Variants in ECHDC1 observed in about 807,000 individuals in gnomAD.
The protein encoded by ECHDC1 is ethylmalonyl-CoA decarboxylase.
ECHDC1 carries 29 observed loss-of-function variants against 29.7 expected under a neutral mutation model. The ratio of observed to expected loss-of-function variants is 0.98; its 90% CI spans 0.73 to 1.33. The LOEUF (loss-of-function observed/expected upper bound fraction) is 1.33. Among genes scored for constraint, ECHDC1 ranks in the 40% most tolerant of loss-of-function variants. The pLI is 0.00. For missense variants in ECHDC1, 328 were observed against 350.0 expected (o/e 0.94, Z 0.50); for synonymous variants, 126 against 123.1 (o/e 1.02, Z -0.15).
intron 1 of ECHDC1, among the ~76,000 whole-genome samples, chr6:127,332,546 G>A (rs1025596336): frequency 4.6e-5 from 7 of 151,866 alleles, no homozygotes; most frequent in African/African-American, 1.5e-4. Flanking sequence ...GGTAAGGCAG[G>A]ACAACTCTAA....
intron 5 of ECHDC1, among the ~76,000 whole-genome samples, chr6:127,293,761 A>G (rs1440067791): frequency 6.6e-6 from 1 of 152,164 alleles, no homozygotes; most frequent in Non-Finnish European, 1.5e-5. Flanking sequence ...CTAGCTTTTA[A>G]TACTATTAAG....
intron 3 of ECHDC1, among the ~76,000 whole-genome samples, chr6:127,326,160 GC>G (rs1219807709): frequency 6.6e-6 from 1 of 152,138 alleles, no homozygotes; most frequent in African/African-American, 2.4e-5. Context: ...TGAAGGAGGG[GC>G]CTGGTGGAAG....
rs76583416 is a variant in ECHDC1, at chr6:127,331,007, T to C, written c.22A>G (p.Thr8Ala). The C allele has an allele frequency of 6.2e-7, 1 of 1,613,490 alleles. No individual in the cohort carries two copies. Among genetic ancestry groups the C allele is most frequent in the Non-Finnish European group, 8.5e-7 (1 of 1,180,016 alleles). The change falls in exon 2 of 6, where the codon ACA becomes GCA. Residue 8 changes from threonine to alanine, a missense_variant. Transcript: ENST00000454859. MAKSLLK[T>A]ASLSGRTKLL... ...TTTGTCCTTCCAGACAGAGAGGCTG[T>C]CTTCAAAAGACTTTTCGCCATTTCT...
At chr6:127,298,994 T>A (rs1780839222) in intron 5 of ECHDC1, among the ~76,000 whole-genome samples, 1 of 151,640 alleles carries the variant, frequency 6.6e-6, no homozygotes, top group South Asian at 2.1e-4. Flanking sequence ...TCCTGCCTCA[T>A]CCTCCCTCAG....
intron 1 of ECHDC1, among the ~76,000 whole-genome samples, chr6:127,336,803 A>G (rs1784461539): frequency 6.6e-6 from 1 of 152,188 alleles, no homozygotes. Context: ...AGTGGTTATG[A>G]AAAAAACACC....
At chr6:127,342,463 T>TA (rs1411587051) in intron 1 of ECHDC1, 12 of 1,364,414 alleles carry the variant, frequency 8.8e-6, no homozygotes, top group Middle Eastern at 1.9e-4. Context: ...CAGAACCCAA[T>TA]AAAAAATCAA....
At chr6:127,294,148 A>G (rs527476375) in intron 5 of ECHDC1, among the ~76,000 whole-genome samples, 5 of 152,200 alleles carry the variant, frequency 3.3e-5, no homozygotes, top group Non-Finnish European at 7.4e-5. Context: ...AAAGAAAACC[A>G]TTGATGTTAC....
rs199807768 is a variant in ECHDC1, at chr6:127,326,921, C to T, written c.363+81G>A. 7 of 1,454,694 alleles carry T rather than the reference C, an allele frequency of 4.8e-6. No individual in the cohort carries two copies. In the South Asian group the frequency reaches 6.8e-5, roughly 14 times the overall value. 90.1% of individuals were successfully genotyped at this position (1,454,694 alleles called of 1,614,324 possible). On this transcript the variant is annotated intron_variant, in intron 3 of 5. Coordinates refer to ENST00000454859, the MANE Select transcript of ECHDC1 (RefSeq NM_001002030.2). ...TTGAAAGTTATTAAAGTCATCATAA[C>T]CATTAGTAAAATATAAATGTATCTG...
chr6:127,313,351 T>C (rs2114613032), intron 5 of ECHDC1: 1 of 279,256 alleles, frequency 3.6e-6, no homozygotes, highest in Non-Finnish European at 7.3e-6. Flanking sequence ...TACAGGCATG[T>C]GCCACCACAC....
intron 3 of ECHDC1, among the ~76,000 whole-genome samples, chr6:127,320,942 T>G (rs987479123): frequency 2.6e-5 from 4 of 152,116 alleles, no homozygotes; most frequent in Admixed American, 6.6e-5. Flanking sequence ...TAATAAAATA[T>G]TGATAGGGTT....
chr6:127,306,071 A>G (rs940807536), intron 5 of ECHDC1, among the ~76,000 whole-genome samples: 1 of 152,016 alleles, frequency 6.6e-6, no homozygotes, highest in African/African-American at 2.4e-5. Context: ...CATTTCACCT[A>G]TAAAGACACA....
At chr6:127,310,994 C>G (rs1227008860) in intron 5 of ECHDC1, among the ~76,000 whole-genome samples, 2 of 152,074 alleles carry the variant, frequency 1.3e-5, no homozygotes, top group African/African-American at 4.8e-5. Flanking sequence ...AAGATAGATG[C>G]ATTGTTTTTT....
intron 3 of ECHDC1, among the ~76,000 whole-genome samples, chr6:127,323,059 C>T (rs1269380589): frequency 1.3e-5 from 2 of 151,944 alleles, no homozygotes; most frequent in African/African-American, 2.4e-5. Flanking sequence ...CTTTGTTTTG[C>T]GTACAAAATT....
intron 3 of ECHDC1, among the ~76,000 whole-genome samples, chr6:127,324,362 T>G (rs1783110724): frequency 6.6e-6 from 1 of 152,210 alleles, no homozygotes; most frequent in Non-Finnish European, 1.5e-5. Context: ...ATAGATTTTA[T>G]ATATCCCATG....
chr6:127,326,310 A>T (rs1466054620), intron 3 of ECHDC1, among the ~76,000 whole-genome samples: 2 of 152,052 alleles, frequency 1.3e-5, no homozygotes, highest in Non-Finnish European at 2.9e-5. Flanking sequence ...TGCTTGCTTC[A>T]CCTTTGCCTT....
At chr6:127,297,519 G>C (rs1237567785) in intron 5 of ECHDC1, among the ~76,000 whole-genome samples, 1 of 152,124 alleles carries the variant, frequency 6.6e-6, no homozygotes, top group Admixed American at 6.6e-5. Context: ...GAACAACCTG[G>C]GGAAAAACTA....
At chr6:127,335,818 A>G (rs1377152859) in intron 1 of ECHDC1, among the ~76,000 whole-genome samples, 1 of 152,114 alleles carries the variant, frequency 6.6e-6, no homozygotes, top group East Asian at 1.9e-4. Context: ...TAGTATTTTC[A>G]ATACTTTAAT....
intron 4 of ECHDC1, chr6:127,315,833 G>T (rs1297558787): frequency 4.8e-6 from 2 of 415,618 alleles, no homozygotes; most frequent in East Asian, 1.4e-4. Context: ...GCTTAAATAA[G>T]AATTTCCTTA....
At chr6:127,295,759 T>TTG (rs1205815700) in intron 5 of ECHDC1, among the ~76,000 whole-genome samples, 1 of 152,238 alleles carries the variant, frequency 6.6e-6, no homozygotes, top group Admixed American at 6.5e-5. Context: ...TTTGTGCTAC[T>TTG]TACATGATTT....
Sources: allele counts gnomAD v4.1 joint callset (sites outside exome capture counted in the v4.1 genomes callset), GRCh38; gene constraint gnomAD v4.1.1; transcripts MANE v1.5; gene names NCBI Gene and HGNC (gene_info 2026-07-23, HGNC 2026-07-21).